The following PGM3 variants were observed in gnomAD, a reference collection of about 807,000 sequenced individuals.
PGM3 encodes phosphoglucomutase 3.
A neutral mutation model predicts 66.2 loss-of-function variants in PGM3; 40 were observed. The ratio of observed to expected loss-of-function variants is 0.60; its 90% CI spans 0.47 to 0.79. The LOEUF (loss-of-function observed/expected upper bound fraction) is 0.79. Among genes scored for constraint, PGM3 ranks in the 30% least tolerant of loss-of-function variants. The pLI, the probability that PGM3 is intolerant of heterozygous loss-of-function variation, is 0.00. For synonymous variants in PGM3, 191 were observed against 224.2 expected, an observed-to-expected ratio of 0.85 and a Z score of 1.32; for missense variants, 537 against 643.4, an observed-to-expected ratio of 0.83 and a Z score of 1.79.
At chr6:83,190,122 T>G (rs1345692970) in intron 2 of PGM3, among the ~76,000 whole-genome samples, 1 of 152,210 alleles carries the variant, frequency 6.6e-6, no homozygotes, top group African/African-American at 2.4e-5. Context: ...GTCTTAAGTA[T>G]TCCCACCACA....
At chr6:83,151,726 CAAAT>C in the PGM3 span, 38 of 1,502,844 alleles carry the variant, frequency 2.5e-5, no homozygotes, top group Non-Finnish European at 3.3e-5. Flanking sequence ...ATGAGAGAGT[CAAAT>C]AAAATAAACT....
chr6:83,163,516 TTC>T (rs1263918075), downstream of PGM3, among the ~76,000 whole-genome samples: 6 of 152,204 alleles, frequency 3.9e-5, no homozygotes, highest in African/African-American at 9.6e-5. Context: ...TTAGCATTCA[TTC>T]TGTTTATCTA....
At position 83,170,379 on chromosome 6, in the gene PGM3, T is replaced by G. The variant is rs749680753; in HGVS notation, c.1465A>C (p.Lys489Gln). 1.9e-6 allele frequency: 3 copies of G among 1,614,154 alleles called. No homozygotes were observed. Among genetic ancestry groups the G allele is most frequent in the Non-Finnish European group, 2.5e-6 (3 of 1,180,022 alleles). ...EAINDLVKKY[K>Q]LSRAFVRPSG... is the part of the protein sequence containing the mutation. The stretch of plus-strand genomic sequence containing the variant: ...GGCCGGACAAAAGCTCGAGAAAGCT[T>G]GTACTTCTTCACCAGGTCATTGATT... The change falls in exon 12 of 13, where the codon AAG becomes CAG. Residue 489 changes from lysine (K) to glutamine (Q), a missense_variant. Physicochemically the swap from Lys to Gln is moderately conservative, Grantham distance 53. Coordinates refer to ENST00000513973, the MANE Select transcript of PGM3 (RefSeq NM_015599.3).
At chr6:83,182,012 G>A (rs1013986527) in intron 5 of PGM3, 81 bp from the exon 6 acceptor site, 8 of 658,580 alleles carry the variant, frequency 1.2e-5, no homozygotes, top group Non-Finnish European at 1.9e-5. Flanking sequence ...ATACATATGT[G>A]CATATGTAAA....
At chr6:83,181,491 C>T (rs1167430890) in intron 6 of PGM3, among the ~76,000 whole-genome samples, 4 of 152,120 alleles carry the variant, frequency 2.6e-5, no homozygotes, top group African/African-American at 9.7e-5. Flanking sequence ...CTCTAGAATG[C>T]CATTTCCTGA....
chr6:83,169,394 A>G, intron 12 of PGM3, 71 bp from the exon 13 acceptor site: 2 of 1,570,352 alleles, frequency 1.3e-6, no homozygotes, highest in African/African-American at 2.7e-5. Flanking sequence ...AGACCATGTT[A>G]CTTGGAACTC....
Position 83,165,885 on chromosome 6 carries a change from C to T in PGM3, c.*3349G>A. The T allele has an allele frequency of 2.5e-6, 1 of 395,816 alleles. No homozygotes were observed. The highest frequency in any genetic ancestry group is 2.0e-5 in the South Asian group (1 of 50,514). The allele number at this position is 395,816 out of a possible 1,614,324, so 24.5% of individuals were successfully genotyped here. ...TCATTGATTTGCTGAGCATACTTAT[C>T]AGATGTAATGGTTTCACCTGGATTC... On this transcript the variant is annotated 3_prime_UTR_variant, in exon 13 of 13. Coordinates refer to ENST00000513973, the MANE Select transcript of PGM3 (RefSeq NM_015599.3).
At chr6:83,192,286 T>C (rs1789184847) in intron 1 of PGM3, among the ~76,000 whole-genome samples, 1 of 152,140 alleles carries the variant, frequency 6.6e-6, no homozygotes, top group African/African-American at 2.4e-5. Flanking sequence ...CAACAAAAAA[T>C]CGGCCCTTAG....
intron 1 of PGM3, chr6:83,191,375 ATTTCATTT>A: frequency 1.4e-6 from 1 of 700,650 alleles, no homozygotes; most frequent in Admixed American, 2.7e-5. Flanking sequence ...CTCAAAGATC[ATTTCATTT>A]TACAAAAAGG....
At chr6:83,189,933 A>C (rs971541488) in intron 2 of PGM3, among the ~76,000 whole-genome samples, 1 of 152,222 alleles carries the variant, frequency 6.6e-6, no homozygotes, top group South Asian at 2.1e-4. Context: ...TTATGTAAAA[A>C]AGTGAAACTC....
At chr6:83,172,484 C>T (rs148563614) in intron 10 of PGM3, among the ~76,000 whole-genome samples, 479 of 152,248 alleles carry the variant, frequency 3.1e-3, no homozygotes, top group African/African-American at 0.01. Flanking sequence ...CATGGTAAAA[C>T]GCCATCTATA....
intron 12 of PGM3, chr6:83,169,908 A>G (rs1786733109): frequency 2.4e-6 from 1 of 411,416 alleles, no homozygotes; most frequent in South Asian, 1.8e-5. Flanking sequence ...ACAAATCAAG[A>G]GTCCAGAATG....
the PGM3 span, among the ~76,000 whole-genome samples, chr6:83,151,313 C>A: frequency 6.6e-6 from 1 of 152,146 alleles, no homozygotes; most frequent in Non-Finnish European, 1.5e-5. Context: ...CACCACCACG[C>A]CTGGCCACAT....
chr6:83,175,406 A>T (rs1787682872), intron 9 of PGM3, among the ~76,000 whole-genome samples: 1 of 152,182 alleles, frequency 6.6e-6, no homozygotes, highest in Non-Finnish European at 1.5e-5. Context: ...TTTGGCTTTG[A>T]TTCAAATGTT....
chr6:83,154,391 A>C, the PGM3 span: 1 of 651,872 alleles, frequency 1.5e-6, no homozygotes, highest in Non-Finnish European at 2.6e-6. Context: ...AAAGCACACT[A>C]CTTTCTGTAC....
chr6:83,168,613 C>G lies in PGM3; in HGVS notation c.*621G>C. 1 of 997,506 alleles carries G rather than the reference C, an allele frequency of 1.0e-6. No homozygotes were observed. The allele number at this position is 997,506 out of a possible 1,614,324, so 61.8% of individuals were successfully genotyped here. ...TATAATTAGTTTTTCTCCCACATACCTTCACCAAGAGCAGTGAAGAATAAC... is the reference window on the plus strand; with the variant it reads ...TATAATTAGTTTTTCTCCCACATACGTTCACCAAGAGCAGTGAAGAATAAC... On this transcript the variant is annotated 3_prime_UTR_variant, in exon 13 of 13. Coordinates refer to ENST00000513973, the MANE Select transcript of PGM3 (RefSeq NM_015599.3).
intron 1 of PGM3, among the ~76,000 whole-genome samples, chr6:83,192,279 C>CA (rs1562435268): frequency 6.6e-6 from 1 of 152,178 alleles, no homozygotes; most frequent in East Asian, 1.9e-4. Flanking sequence ...CAAACAACAA[C>CA]AAAAAATCGG....
In PGM3 at chr6:83,174,392, A is replaced by C; in HGVS notation, c.1224T>G (p.Ile408Met). ...TTCTGACCTGGTTAAACAAGTCAAT[A>C]ATGTTTTCAAGCATCTTAGCAGCTT... ...KRKAAKMLEN[I>M]IDLFNQAAGD... The change falls in exon 10 of 13, where the codon ATT becomes ATG. Residue 408 changes from isoleucine (I) to methionine (M), a missense_variant. Transcript: ENST00000513973. 4.4e-6 allele frequency: 7 copies of C among 1,586,152 alleles called. No individual in the cohort carries two copies. The highest frequency in any genetic ancestry group is 6.1e-6 in the Non-Finnish European group (7 of 1,156,764).
the PGM3 span, among the ~76,000 whole-genome samples, chr6:83,149,639 G>GGA: frequency 6.6e-6 from 1 of 152,144 alleles, no homozygotes; most frequent in South Asian, 2.1e-4. Flanking sequence ...AGGTTTTTGA[G>GGA]GAGAGACATG....
Sources: allele counts gnomAD v4.1 joint callset (sites outside exome capture counted in the v4.1 genomes callset), GRCh38; gene constraint gnomAD v4.1.1; transcripts MANE v1.5; gene names NCBI Gene and HGNC (gene_info 2026-07-23, HGNC 2026-07-21).